Variants in PCDH15 observed in about 807,000 individuals in gnomAD.
PCDH15 encodes protocadherin related 15.
Under a neutral mutation model 178.5 loss-of-function variants are expected in PCDH15, and 129 were observed. That is an observed-to-expected ratio of 0.72 (90% CI 0.63 to 0.84). The LOEUF is 0.84. PCDH15 is among the 40% of genes least tolerant of loss of function. PCDH15 has a pLI of 0.00. For missense variants in PCDH15, 2,230 were observed against 2,099.9 expected, an observed-to-expected ratio of 1.06 and a Z score of -1.21; for synonymous variants, 800 against 732.0, an observed-to-expected ratio of 1.09 and a Z score of -1.50.
intron 2 of PCDH15, among the ~76,000 whole-genome samples, chr10:55,351,405 C>T (rs1447612783): frequency 2.6e-5 from 4 of 152,022 alleles, no homozygotes; most frequent in Non-Finnish European, 5.9e-5. Flanking sequence ...TCTATTCCTA[C>T]TAACCTTATA....
At chr10:54,752,571 ACTT>A (rs1182912876) in intron 1 of PCDH15, among the ~76,000 whole-genome samples, 1 of 151,764 alleles carries the variant, frequency 6.6e-6, no homozygotes, top group Admixed American at 6.6e-5. Context: ...GTCAGAAAAA[ACTT>A]CTTTACAGCT....
intron 2 of PCDH15, among the ~76,000 whole-genome samples, chr10:54,931,094 A>C (rs1243603047): frequency 6.6e-6 from 1 of 152,164 alleles, no homozygotes; most frequent in East Asian, 1.9e-4. Flanking sequence ...TCAAATAACA[A>C]CTTCATGTTT....
At chr10:55,056,699 C>T (rs1591864761) in intron 2 of PCDH15, among the ~76,000 whole-genome samples, 3 of 150,988 alleles carry the variant, frequency 2.0e-5, no homozygotes, top group Non-Finnish European at 4.4e-5. Context: ...ATGGTGTGAT[C>T]TTGGCTCACT....
At chr10:54,464,776 G>T (rs994695257) in intron 3 of PCDH15, among the ~76,000 whole-genome samples, 1 of 152,096 alleles carries the variant, frequency 6.6e-6, no homozygotes. Flanking sequence ...TATCTAGCTA[G>T]CTAGCTATTT....
rs550510266 is a variant in PCDH15, at chr10:54,715,457, C to A, written c.-28-51167G>T. 2.0e-4 allele frequency among the ~76,000 whole-genome samples: 31 copies of A among 152,232 alleles called. 1 individual carries two copies. In the South Asian group the frequency reaches 6.2e-3, roughly 31 times the overall value. On this transcript the variant is annotated intron_variant, in intron 1 of 37. Coordinates refer to ENST00000644397, the MANE Select transcript of PCDH15 (RefSeq NM_001384140.1). The stretch of plus-strand genomic sequence containing the variant: ...TAGCAAAACAGTGCATAAAGATTGA[C>A]ACTGTGAGCTTTAATTCACGAAGGA...
chr10:54,550,705 C>T (rs928169497), intron 2 of PCDH15, among the ~76,000 whole-genome samples: 5 of 152,114 alleles, frequency 3.3e-5, no homozygotes, highest in African/African-American at 1.2e-4. Context: ...GAGTTTTCTT[C>T]AGGAAATATC....
chr10:55,144,180 G>T (rs764541424), intron 2 of PCDH15, among the ~76,000 whole-genome samples: 1 of 151,550 alleles, frequency 6.6e-6, no homozygotes, highest in Non-Finnish European at 1.5e-5. Flanking sequence ...TTCTATCTAC[G>T]ACTGACTCAT....
At chr10:54,467,016 CTTTA>C (rs1018723038) in intron 3 of PCDH15, among the ~76,000 whole-genome samples, 3 of 151,718 alleles carry the variant, frequency 2.0e-5, no homozygotes, top group Non-Finnish European at 2.9e-5. Flanking sequence ...TATCCTGTAA[CTTTA>C]TTTAATTTAT....
intron 6 of PCDH15, among the ~76,000 whole-genome samples, chr10:54,338,575 G>A (rs994796977): frequency 2.6e-5 from 4 of 152,048 alleles, no homozygotes; most frequent in South Asian, 2.1e-4. Flanking sequence ...TCAAAGCTAC[G>A]GGGAGTCAAA....
At chr10:54,426,662 T>C (rs1258910416) in intron 3 of PCDH15, among the ~76,000 whole-genome samples, 1 of 146,930 alleles carries the variant, frequency 6.8e-6, no homozygotes, top group Non-Finnish European at 1.5e-5. Context: ...GAAAATTAGA[T>C]TTTTTTTTTA....
At chr10:55,576,433 G>A (rs556428716) in intron 2 of PCDH15, among the ~76,000 whole-genome samples, 3 of 152,250 alleles carry the variant, frequency 2.0e-5, no homozygotes, top group African/African-American at 7.2e-5. Flanking sequence ...CCACACATAA[G>A]TAGACTCATT....
chr10:54,753,867 T>TG (rs1491414864), intron 1 of PCDH15, among the ~76,000 whole-genome samples: 3,562 of 148,834 alleles, frequency 0.024, 117 homozygotes, highest in African/African-American at 0.072. Context: ...TTGTTTTTTT[T>TG]TTGTTGTTGT....
intron 1 of PCDH15, among the ~76,000 whole-genome samples, chr10:54,704,155 G>A (rs1250424439): frequency 6.6e-6 from 1 of 152,052 alleles, no homozygotes; most frequent in African/African-American, 2.4e-5. Flanking sequence ...AGAAACCCTA[G>A]AAGATAACCC....
At chr10:55,041,406 A>C (rs1237945582) in intron 2 of PCDH15, among the ~76,000 whole-genome samples, 4 of 152,144 alleles carry the variant, frequency 2.6e-5, no homozygotes, top group Admixed American at 2.6e-4. Context: ...AATCATCATT[A>C]ATCTGAAGGG....
chr10:54,195,973 G>A (rs1430521368), intron 10 of PCDH15, 84 bp from the exon 11 acceptor site: 1 of 1,247,350 alleles, frequency 8.0e-7, no homozygotes, highest in African/African-American at 1.5e-5. Context: ...CAATATATAG[G>A]GTTCTCTTTT....
intron 1 of PCDH15, among the ~76,000 whole-genome samples, chr10:54,780,452 G>A (rs531824020): frequency 3.8e-4 from 58 of 152,236 alleles, no homozygotes; most frequent in African/African-American, 1.2e-3. Flanking sequence ...AAGAGGAGAC[G>A]TGAAACCCGA....
At chr10:54,918,734 T>C (rs960981239) in intron 2 of PCDH15, among the ~76,000 whole-genome samples, 1 of 152,276 alleles carries the variant, frequency 6.6e-6, no homozygotes, top group East Asian at 1.9e-4. Flanking sequence ...AATACTTGTA[T>C]GTGTAAGTCT....
chr10:53,903,679 C>T (rs544015266), intron 25 of PCDH15, among the ~76,000 whole-genome samples: 48 of 152,250 alleles, frequency 3.2e-4, no homozygotes, highest in Admixed American at 1.4e-3. Context: ...TTCACGTTCA[C>T]AAACACTTCA....
intron 2 of PCDH15, among the ~76,000 whole-genome samples, chr10:55,036,450 A>G (rs1194215339): frequency 1.3e-5 from 2 of 152,116 alleles, no homozygotes; most frequent in Non-Finnish European, 2.9e-5. Flanking sequence ...CTTAGCTTAG[A>G]CAGATTCTGG....
Sources: gnomAD v4.1 joint callset for allele counts (sites outside exome capture counted in the v4.1 genomes callset) on GRCh38, gnomAD v4.1.1 for gene constraint, MANE v1.5 for transcripts, NCBI Gene and HGNC (gene_info 2026-07-23, HGNC 2026-07-21) for gene names.